The following GZMB variants were observed in gnomAD, a reference collection of about 807,000 sequenced individuals.
GZMB encodes the protein granzyme B.
GZMB carries 27 observed loss-of-function variants against 24.2 expected under a neutral mutation model. The ratio of observed to expected loss-of-function variants is 1.12; its 90% confidence interval spans 0.82 to 1.54. GZMB has a LOEUF of 1.54. GZMB is among the 40% of genes most tolerant of loss of function. GZMB has a pLI of 0.00. For synonymous variants in GZMB, 121 were observed against 115.1 expected (o/e 1.05, Z -0.33); for missense variants, 336 against 310.1 (o/e 1.08, Z -0.63).
At chr14:24,632,482 A>G (rs2067006337) in intron 2 of GZMB, 23 bp from the exon 3 acceptor site, 1 of 1,613,566 alleles carries the variant, frequency 6.2e-7, no homozygotes, top group Non-Finnish European at 8.5e-7. Flanking sequence ...CAGAGTGAGG[A>G]TGGGGGTGGA....
chr14:24,631,327 C>A, intron 4 of GZMB, 113 bp from the exon 5 acceptor site: 1 of 895,518 alleles, frequency 1.1e-6, no homozygotes, highest in Admixed American at 2.6e-5. Flanking sequence ...ATGTGGGAGA[C>A]CAGAGGGCAG....
chr14:24,631,660 A>C, intron 4 of GZMB, 198 bp downstream of exon 4: 1 of 602,330 alleles, frequency 1.7e-6, no homozygotes. Context: ...AAGAAGCACC[A>C]TCCACCATAA....
intron 4 of GZMB, 111 bp downstream of exon 4, chr14:24,631,747 T>A: frequency 1.1e-6 from 1 of 882,636 alleles, no homozygotes; most frequent in Non-Finnish European, 1.8e-6. Context: ...CAGAGAGAAA[T>A]ATCACAGTCT....
At chr14:24,631,620 TG>T in intron 4 of GZMB, 1 of 582,216 alleles carries the variant, frequency 1.7e-6, no homozygotes, top group Non-Finnish European at 3.0e-6. Context: ...TGACCTGGAG[TG>T]GGTGGAGTGT....
At chr14:24,632,829 C>A in intron 2 of GZMB, 86 bp downstream of exon 2, 1 of 1,344,660 alleles carries the variant, frequency 7.4e-7, no homozygotes, top group Non-Finnish European at 1.1e-6. Flanking sequence ...TGTGTGTTCA[C>A]AGGAGCCCAG....
chr14:24,634,029 T>A (rs1318562720), intron 1 of GZMB, 77 bp downstream of exon 1: 1 of 1,244,186 alleles, frequency 8.0e-7, no homozygotes, highest in Non-Finnish European at 1.2e-6. Context: ...GGTAGATAGA[T>A]GGATCAGGAA....
Position 24,631,387 on chromosome 14 carries a change from T to C in GZMB, c.601-173A>G, listed in dbSNP as rs181331444. On this transcript the variant is annotated intron_variant, in intron 4 of 4. Transcript: ENST00000216341. ...TGCCAAGCTCTGGCCCTGGACATTG[T>C]TACTGCTTCACCTCATCCCAGGGGC... is the stretch of plus-strand genomic sequence containing the variant. Among the ~76,000 whole-genome samples, 237 of 152,330 alleles carry C rather than the reference T, an allele frequency of 1.6e-3. 3 individuals carry two copies. Among genetic ancestry groups the C allele is most frequent in the African/African-American group, 5.4e-3 (226 of 41,574 alleles).
intron 4 of GZMB, chr14:24,631,557 C>T (rs1044110648): frequency 2.2e-5 from 12 of 551,960 alleles, no homozygotes; most frequent in African/African-American, 2.1e-4. Context: ...CCTCTGAAGA[C>T]ACACCTGGTT....
chr14:24,633,358 C>T lies in GZMB; in HGVS notation c.56-296G>A. 2 of 966,840 alleles carry T rather than the reference C, an allele frequency of 2.1e-6. 1 individual carries two copies. Among genetic ancestry groups the T allele is most frequent in the South Asian group, 9.6e-5 (2 of 20,896 alleles). 59.9% of individuals were successfully genotyped at this position (966,840 alleles called of 1,614,324 possible). A position where few individuals can be genotyped will look rare whatever the true frequency, so the allele number is the denominator to read the frequency against. On this transcript the variant is annotated intron_variant, in intron 1 of 4. Transcript: ENST00000216341. The stretch of plus-strand genomic sequence containing the variant: ...CTTTGCTTTGTTTCAGGTGAGTTTC[C>T]AAGACCCTTATGAGTCCTGTGGTGT...
rs112450811 is a variant in GZMB at position 24,631,435 on chromosome 14, A to G, written c.601-221T>C. The G allele has an allele frequency of 7.4e-3, 4,207 of 572,044 alleles. 76 individuals are homozygous for G. The highest frequency in any genetic ancestry group is 0.042 in the African/African-American group (2,273 of 53,536). 35.4% of individuals were successfully genotyped at this position (572,044 alleles called of 1,614,324 possible). On this transcript the variant is annotated intron_variant, in intron 4 of 4. Transcript: ENST00000216341. ...GGCCAGCCTCCGTCATGTCCCCCAG[A>G]TCCTGAGATCGGAGGTATGTGGGAC...
chr14:24,633,979 G>A (rs1463619717), intron 1 of GZMB, 127 bp downstream of exon 1: 1 of 838,680 alleles, frequency 1.2e-6, no homozygotes, highest in South Asian at 1.4e-5. Context: ...CACACTTGGG[G>A]GGTCTTGGTA....
intron 1 of GZMB, 139 bp from the exon 2 acceptor site, chr14:24,633,201 A>AT: frequency 1.4e-6 from 2 of 1,446,604 alleles, no homozygotes; most frequent in Non-Finnish European, 1.8e-6. Context: ...AGGGGCTTCA[A>AT]TTTCCTGCTC....
At position 24,633,062 on chromosome 14, in the gene GZMB, C is replaced by G. The variant is rs757747585; in HGVS notation, c.56G>C (p.Gly19Ala). 1.2e-6 allele frequency: 2 copies of G among 1,600,124 alleles called. No individual in the cohort carries two copies. The highest frequency in any genetic ancestry group is 2.2e-5 in the South Asian group (2 of 89,580). Residue 19 changes from glycine to alanine, a missense_variant and splice_region_variant, in exon 2 of 5, where the codon GGG (glycine) becomes GCG (alanine). Gly to Ala is a moderately conservative substitution (Grantham distance 60). Coordinates refer to ENST00000216341, the MANE Select transcript of GZMB (RefSeq NM_004131.6). The part of the protein sequence containing the change: ...AFLLLPRADA[G>A]EIIGGHEAKP... ...GGCCTCATGTCCCCCGATGATCTCCCCTGAAGGAAAAGTCTGTCTGCTTGT... is the reference window on the plus strand; with the variant it reads ...GGCCTCATGTCCCCCGATGATCTCCGCTGAAGGAAAAGTCTGTCTGCTTGT...
chr14:24,631,245 A>G (rs755466854), intron 4 of GZMB, 31 bp from the exon 5 acceptor site: 40 of 1,602,624 alleles, frequency 2.5e-5, no homozygotes, highest in Non-Finnish European at 3.4e-5. Context: ...GACTGAGCTG[A>G]TGCTCCTCCG....
At chr14:24,632,166 G>A in intron 3 of GZMB, 48 bp from the exon 4 acceptor site, 1 of 1,603,606 alleles carries the variant, frequency 6.2e-7, no homozygotes, top group Non-Finnish European at 8.5e-7. Context: ...CGAACTTCTG[G>A]GCCCCGACAC....
chr14:24,632,625 G>T lies in GZMB; in HGVS notation c.204-166C>A, dbSNP rs1413866162. The T allele has an allele frequency of 2.6e-6, 3 of 1,139,978 alleles. No homozygotes were observed. In the East Asian group the frequency reaches 7.5e-5, roughly 29 times the overall value. 70.6% of individuals were successfully genotyped at this position (1,139,978 alleles called of 1,614,324 possible). The stretch of plus-strand genomic sequence containing the variant: ...TGGTAATTGCACCAGGTTTCTCAGG[G>T]TTCGGTTCCCCCTAGAAACACAGGT... On this transcript the variant is annotated intron_variant, in intron 2 of 4. Coordinates refer to ENST00000216341, the MANE Select transcript of GZMB (RefSeq NM_004131.6).
chr14:24,632,071 T>C lies in GZMB; in HGVS notation c.387A>G (p.Leu129=), dbSNP rs577283580. The C allele has an allele frequency of 2.5e-6, 4 of 1,614,162 alleles. No individual in the cohort carries two copies. In the South Asian group the frequency reaches 4.4e-5, roughly 18 times the overall value. ...GCTTCACCTGGGCCTTGTTGCTAGG[T>C]AGCCTGAGGGGCTGCACAGCTCTGG... ...KRTRAVQPLR[L]PSNKAQVKPG... Residue 129 remains leucine, a synonymous_variant, in exon 4 of 5, where the codon CTA becomes CTG. Transcript: ENST00000216341.
Position 24,631,325 on chromosome 14 carries a change from G to C in GZMB, c.601-111C>G, listed in dbSNP as rs569435306. The C allele has an allele frequency of 3.0e-4, 268 of 908,200 alleles. No individual in the cohort carries two copies. In the African/African-American group the frequency reaches 4.2e-3, roughly 14 times the overall value. The allele number at this position is 908,200 out of a possible 1,614,324, so 56.3% of individuals were successfully genotyped here. On this transcript the variant is annotated intron_variant, in intron 4 of 4. Transcript: ENST00000216341. Reference sequence around the variant, plus strand: ...CAACTTGCACAGCCTACATGTGGGAGACCAGAGGGCAGGGCAGGCCGCTGG... The same window carrying C: ...CAACTTGCACAGCCTACATGTGGGACACCAGAGGGCAGGGCAGGCCGCTGG...
chr14:24,633,043 A>G lies in GZMB; in HGVS notation c.75T>C (p.His25=). ...RADAGEIIGG[H]EAKPHSRPYM... is the part of the protein sequence containing the mutation. Reference sequence around the variant, plus strand: ...AGGGGCGGGAGTGGGGCTTGGCCTCATGTCCCCCGATGATCTCCCCTGAAG... The same window carrying G: ...AGGGGCGGGAGTGGGGCTTGGCCTCGTGTCCCCCGATGATCTCCCCTGAAG... The change falls in exon 2 of 5, where the codon CAT becomes CAC. Residue 25 remains histidine, a synonymous_variant. Transcript: ENST00000216341. 1 of 1,609,710 alleles carries G rather than the reference A, an allele frequency of 6.2e-7. No individual in the cohort carries two copies. The highest frequency in any genetic ancestry group is 8.5e-7 in the Non-Finnish European group (1 of 1,177,694).
Sources: allele counts gnomAD v4.1 joint callset (sites outside exome capture counted in the v4.1 genomes callset), GRCh38; gene constraint gnomAD v4.1.1; transcripts MANE v1.5; gene names NCBI Gene and HGNC (gene_info 2026-07-23, HGNC 2026-07-21).